KIF21A: variants seen among roughly 807,000 people sequenced by gnomAD.
The protein encoded by KIF21A is kinesin family member 21A.
In KIF21A, 114 loss-of-function variants were observed where a neutral mutation model predicts 202.9. That is an observed-to-expected ratio of 0.56 (90% CI 0.48 to 0.66). The LOEUF (loss-of-function observed/expected upper bound fraction) is 0.66, where lower values mean the gene tolerates loss of function less well. Among genes scored for constraint, KIF21A ranks in the 30% least tolerant of loss-of-function variants. The pLI is 0.00. For synonymous variants in KIF21A, 667 were observed against 670.8 expected, an observed-to-expected ratio of 0.99 and a Z score of 0.09; for missense variants, 1,677 against 1,994.9, an observed-to-expected ratio of 0.84 and a Z score of 3.04.
chr12:39,339,715 A>T (rs1161591312), intron 16 of KIF21A, among the ~76,000 whole-genome samples: 4 of 152,180 alleles, frequency 2.6e-5, no homozygotes, highest in African/African-American at 9.7e-5. Flanking sequence ...AAGTATAGGA[A>T]TTATAAACAC....
At chr12:39,414,355 T>C (rs1398688919) in intron 1 of KIF21A, among the ~76,000 whole-genome samples, 1 of 152,222 alleles carries the variant, frequency 6.6e-6, no homozygotes, top group Non-Finnish European at 1.5e-5. Context: ...TACATTACTG[T>C]CTCTAATACT....
intron 1 of KIF21A, among the ~76,000 whole-genome samples, chr12:39,427,119 A>G (rs1221154046): frequency 1.3e-5 from 2 of 152,126 alleles, no homozygotes; most frequent in Non-Finnish European, 2.9e-5. Context: ...TTTCCCCATC[A>G]AACTATGTTG....
intron 1 of KIF21A, among the ~76,000 whole-genome samples, chr12:39,407,656 T>C (rs1207797348): frequency 6.6e-6 from 1 of 152,176 alleles, no homozygotes; most frequent in African/African-American, 2.4e-5. Context: ...GGTAACTTGC[T>C]CAAGATCATA....
chr12:39,332,481 A>G, intron 20 of KIF21A, 73 bp from the exon 21 acceptor site: 1 of 499,600 alleles, frequency 2.0e-6, no homozygotes. Flanking sequence ...AAACCCCCCC[A>G]CCCCCCAAAA....
Position 39,442,913 on chromosome 12 carries a change from CA to C in KIF21A, c.44+13del. On this transcript the variant is annotated intron_variant, in intron 1 of 37. Coordinates refer to ENST00000361418, the MANE Select transcript of KIF21A (RefSeq NM_001173464.2). This position sits in a 1 kb window ranked among gnomAD's most constrained non-coding sequence, Gnocchi z 5.0. ...CCCGCCGCCCGCCGCCCGCCGCCGGCAGACTGTCCTCACCTGACAGCCACCC... is the reference window on the plus strand; with the variant it reads ...CCCGCCGCCCGCCGCCCGCCGCCGGCGACTGTCCTCACCTGACAGCCACCC... 1 of 1,524,478 alleles carries C rather than the reference CA, an allele frequency of 6.6e-7. No individual in the cohort carries two copies. 94.4% of individuals were successfully genotyped at this position (1,524,478 alleles called of 1,614,324 possible). A position where few individuals can be genotyped will look rare whatever the true frequency, so the allele number is the denominator to read the frequency against.
chr12:39,339,721 A>G (rs1947291967), intron 16 of KIF21A, among the ~76,000 whole-genome samples: 1 of 152,202 alleles, frequency 6.6e-6, no homozygotes, highest in Non-Finnish European at 1.5e-5. Flanking sequence ...AGGAATTATA[A>G]ACACTAAATT....
intron 1 of KIF21A, among the ~76,000 whole-genome samples, chr12:39,391,806 C>T (rs1268973497): frequency 6.6e-6 from 1 of 152,090 alleles, no homozygotes; most frequent in Non-Finnish European, 1.5e-5. Context: ...GTGGCATAAT[C>T]TCGGCTCACT....
At chr12:39,390,711 T>C (rs1592502296) in intron 1 of KIF21A, among the ~76,000 whole-genome samples, 1 of 152,092 alleles carries the variant, frequency 6.6e-6, no homozygotes, top group Admixed American at 6.6e-5. Context: ...ATATATATAT[T>C]TGTCAGAATT....
intron 12 of KIF21A, among the ~76,000 whole-genome samples, chr12:39,343,359 C>T (rs1023441272): frequency 6.6e-5 from 10 of 151,172 alleles, no homozygotes; most frequent in African/African-American, 1.9e-4. Flanking sequence ...GACTCTGTCT[C>T]AAAAATAAAT....
Position 39,325,589 on chromosome 12 carries a change from G to A in KIF21A, c.3456+250C>T, listed in dbSNP as rs147034489. Among the ~76,000 whole-genome samples the A allele has an allele frequency of 0.013, 1,908 of 146,964 alleles. 24 individuals carry two copies. The highest frequency in any genetic ancestry group is 0.02 in the Non-Finnish European group (1,338 of 67,374). On this transcript the variant is annotated intron_variant, in intron 26 of 37. Coordinates refer to ENST00000361418, the MANE Select transcript of KIF21A (RefSeq NM_001173464.2). ...CCATCTCCTGACCTCCTGATCATCC[G>A]CCTTGGCCTCCCAAGTGCTGGAATT...
At chr12:39,307,856 A>T (rs1345423507) in intron 33 of KIF21A, 127 bp from the exon 34 acceptor site, 5 of 740,914 alleles carry the variant, frequency 6.7e-6, no homozygotes, top group Non-Finnish European at 1.2e-5. Flanking sequence ...CACTATATGT[A>T]TACTACCTAG....
At position 39,315,950 on chromosome 12, in the gene KIF21A, G is replaced by A. The variant is rs201618273; in HGVS notation, c.3929C>T (p.Ser1310Phe). 1 of 1,606,128 alleles carries A rather than the reference G, an allele frequency of 6.2e-7. No homozygotes were observed. The highest frequency in any genetic ancestry group is 1.3e-5 in the African/African-American group (1 of 74,804). ...QQDKSDESDS[S>F]LSEVHRSSRR... ...AAAGTACCTGTGTACCTCCGAGAGA[G>A]AGGAGTCACTTTCATCAGACCTATA... is the stretch of plus-strand genomic sequence containing the variant. Residue 1310 changes from serine (S) to phenylalanine (F), a missense_variant, in exon 30 of 38, where the codon TCT becomes TTT. Transcript: ENST00000361418.
chr12:39,299,299 G>C (rs141936013), intron 37 of KIF21A, among the ~76,000 whole-genome samples: 1 of 152,018 alleles, frequency 6.6e-6, no homozygotes, highest in Non-Finnish European at 1.5e-5. Flanking sequence ...AGTAGAAAAA[G>C]GTCATGAACA....
intron 22 of KIF21A, 110 bp downstream of exon 22, chr12:39,331,580 A>G: frequency 1.3e-6 from 1 of 774,158 alleles, no homozygotes; most frequent in South Asian, 1.4e-5. Flanking sequence ...TCCAATTATG[A>G]ATAATCTTCT....
chr12:39,425,652 G>T (rs1192992450), intron 1 of KIF21A, among the ~76,000 whole-genome samples: 2 of 152,122 alleles, frequency 1.3e-5, no homozygotes, highest in African/African-American at 4.8e-5. Flanking sequence ...ACATGGAGGG[G>T]TTATAAGTGT....
At chr12:39,400,566 G>A (rs1267577030) in intron 1 of KIF21A, among the ~76,000 whole-genome samples, 1 of 151,884 alleles carries the variant, frequency 6.6e-6, no homozygotes, top group Non-Finnish European at 1.5e-5. Flanking sequence ...GCATTACTTT[G>A]CTGAGGATAA....
intron 1 of KIF21A, among the ~76,000 whole-genome samples, chr12:39,410,728 T>G (rs1056130648): frequency 1.3e-5 from 2 of 152,134 alleles, no homozygotes; most frequent in Non-Finnish European, 2.9e-5. Flanking sequence ...ATACCAAGTT[T>G]TTTTGCTGCC....
intron 24 of KIF21A, among the ~76,000 whole-genome samples, chr12:39,329,479 G>T (rs1293982786): frequency 6.6e-6 from 1 of 151,886 alleles, no homozygotes; most frequent in Non-Finnish European, 1.5e-5. Context: ...TGAAGAAGGG[G>T]GAGAAAGATA....
chr12:39,388,084 C>T (rs957685207), intron 1 of KIF21A, among the ~76,000 whole-genome samples: 8 of 152,100 alleles, frequency 5.3e-5, no homozygotes, highest in Admixed American at 2.6e-4. Context: ...CCACAAACTT[C>T]TGGTTGAAGT....
Sources: allele counts gnomAD v4.1 joint callset (sites outside exome capture counted in the v4.1 genomes callset), GRCh38; gene constraint gnomAD v4.1.1; non-coding constraint Gnocchi (gnomAD v3.1); transcripts MANE v1.5; gene names NCBI Gene and HGNC (gene_info 2026-07-23, HGNC 2026-07-21).